Variants in FKBP5 observed in about 807,000 individuals in gnomAD.
FKBP5 encodes FKBP prolyl isomerase 5.
Under a neutral mutation model 50.5 loss-of-function variants are expected in FKBP5, and 23 were observed. The ratio of observed to expected loss-of-function variants is 0.46; its 90% CI spans 0.33 to 0.65. The LOEUF is 0.65. Ranked by LOEUF, FKBP5 falls within the 30% of genes least tolerant of loss-of-function variation. The probability of loss-of-function intolerance (pLI) is 0.02; values close to 1 mark genes in which losing one functional copy is unlikely to be tolerated. For missense variants in FKBP5, 411 were observed against 553.1 expected (o/e 0.74, Z 2.58); for synonymous variants, 176 against 190.6 (o/e 0.92, Z 0.63).
chr6:35,603,654 TAACAAC>T (rs1314836389), intron 5 of FKBP5, among the ~76,000 whole-genome samples: 1 of 132,660 alleles, frequency 7.5e-6, no homozygotes, highest in Non-Finnish European at 1.6e-5. Context: ...TTTTTTTTTG[TAACAAC>T]AACAACAGCA....
intron 3 of FKBP5, among the ~76,000 whole-genome samples, chr6:35,622,272 G>C (rs1321040402): frequency 2.0e-5 from 3 of 152,112 alleles, no homozygotes; most frequent in Non-Finnish European, 1.5e-5. Context: ...ATTTTGGAAG[G>C]CCAAAGCAGG....
chr6:35,680,906 T>C (rs1765646314), intron 1 of FKBP5, among the ~76,000 whole-genome samples: 1 of 152,250 alleles, frequency 6.6e-6, no homozygotes, highest in African/African-American at 2.4e-5. Flanking sequence ...CTAGGTGACA[T>C]GTGTAGGATA....
At chr6:35,720,017 C>G (rs1314040816) in intron 2 of FKBP5, among the ~76,000 whole-genome samples, 1 of 151,226 alleles carries the variant, frequency 6.6e-6, no homozygotes, top group Non-Finnish European at 1.5e-5. Context: ...AGGACAGAGT[C>G]ATGTTTTGCT....
rs1389902344 is a variant in FKBP5, at chr6:35,670,742, AAGAAAG to A, written c.-20+18056_-20+18061del. Among the ~76,000 whole-genome samples the A allele has an allele frequency of 2.0e-5, 3 of 151,374 alleles. 1 individual carries two copies. Among genetic ancestry groups the A allele is most frequent in the Non-Finnish European group, 2.9e-5 (2 of 67,888 alleles). On this transcript the variant is annotated intron_variant, in intron 1 of 10. Transcript: ENST00000357266. ...GCAAGACTCCATCTCAAAAAAAAAAAAGAAAGAAAAGAAAAGAAAAGAAAAACTCAT... is the reference window on the plus strand; with the variant it reads ...GCAAGACTCCATCTCAAAAAAAAAAAAAAAGAAAAGAAAAGAAAAACTCAT...
At chr6:35,723,247 T>TA (rs1216549648) in intron 1 of FKBP5, among the ~76,000 whole-genome samples, 3 of 151,460 alleles carry the variant, frequency 2.0e-5, no homozygotes, top group African/African-American at 7.3e-5. Flanking sequence ...AATAAATAAA[T>TA]AAAATAAAAT....
chr6:35,721,347 CA>C (rs11372409), intron 1 of FKBP5, among the ~76,000 whole-genome samples: 55 of 137,844 alleles, frequency 4.0e-4, no homozygotes, highest in Middle Eastern at 3.6e-3. Flanking sequence ...ACTCTGTCTC[CA>C]AAAAAAAAAA....
chr6:35,726,872 C>G (rs1267984676), intron 1 of FKBP5, among the ~76,000 whole-genome samples: 1 of 152,096 alleles, frequency 6.6e-6, no homozygotes, highest in Non-Finnish European at 1.5e-5. Context: ...GGAGAGGGCT[C>G]AAAGAAGAAG....
intron 2 of FKBP5, among the ~76,000 whole-genome samples, chr6:35,717,021 C>T (rs543825342): frequency 3.2e-4 from 48 of 152,304 alleles, no homozygotes; most frequent in African/African-American, 1.1e-3. Context: ...ACCTCAGCTC[C>T]TTGGAGACCT....
chr6:35,605,433 T>C lies in FKBP5; in HGVS notation c.509-8029A>G, dbSNP rs188026383. ...TTTTTTGAGACAAGGTCTTATTCCA[T>C]TGCCCAGGCTGGAGTGCAGTGGTGC... On this transcript the variant is annotated intron_variant, in intron 5 of 10. Transcript: ENST00000357266. Among the ~76,000 whole-genome samples the C allele has an allele frequency of 7.5e-3, 989 of 132,410 alleles. 11 individuals are homozygous for C. The highest frequency in any genetic ancestry group is 0.025 in the African/African-American group (854 of 34,756). 86.9% of individuals were successfully genotyped at this position (132,410 alleles called of 152,430 possible).
chr6:35,724,591 G>T (rs1341416813), intron 1 of FKBP5, among the ~76,000 whole-genome samples: 4 of 151,990 alleles, frequency 2.6e-5, no homozygotes. Context: ...TGAAGTGCTG[G>T]CTTTGGCCAG....
chr6:35,695,442 A>C (rs1331688087), intron 2 of FKBP5, among the ~76,000 whole-genome samples: 3 of 152,246 alleles, frequency 2.0e-5, no homozygotes, highest in Non-Finnish European at 4.4e-5. Context: ...CTGGGATTAC[A>C]GGCATAAGCC....
At chr6:35,617,524 A>T (rs1203547024) in intron 5 of FKBP5, among the ~76,000 whole-genome samples, 1 of 151,974 alleles carries the variant, frequency 6.6e-6, no homozygotes, top group African/African-American at 2.4e-5. Context: ...CAGACCTTTT[A>T]TAATAATAGT....
chr6:35,666,394 TAAAAAAAAA>T (rs550878351), intron 1 of FKBP5, among the ~76,000 whole-genome samples: 6 of 33,254 alleles, frequency 1.8e-4, no homozygotes, highest in East Asian at 2.4e-3. Flanking sequence ...CTATTATAGT[TAAAAAAAAA>T]AAAAAAAAAA....
chr6:35,577,414 T>G (rs536761415), intron 9 of FKBP5, among the ~76,000 whole-genome samples, 181 bp from the exon 10 acceptor site: 1 of 152,330 alleles, frequency 6.6e-6, no homozygotes, highest in South Asian at 2.1e-4. Flanking sequence ...TTAATGCAAT[T>G]TCTAGAAAGA....
intron 2 of FKBP5, among the ~76,000 whole-genome samples, chr6:35,705,379 G>T (rs1406586423): frequency 6.7e-6 from 1 of 148,186 alleles, no homozygotes; most frequent in Non-Finnish European, 1.5e-5. Flanking sequence ...CAATTCTCCT[G>T]CCTCAACCTC....
intron 5 of FKBP5, among the ~76,000 whole-genome samples, chr6:35,599,175 C>A (rs535981111): frequency 6.6e-6 from 1 of 152,082 alleles, no homozygotes; most frequent in Non-Finnish European, 1.5e-5. Flanking sequence ...TCATTCCATG[C>A]CCAATAAAAC....
chr6:35,685,797 C>T lies in FKBP5; in HGVS notation c.-20+3007G>A, dbSNP rs1344595906. ...AGGAGTTCGAGACCAGCCTGGCCAACATGGCAAAACCCCGTCTCTACTAAA... is the reference window on the plus strand; with the variant it reads ...AGGAGTTCGAGACCAGCCTGGCCAATATGGCAAAACCCCGTCTCTACTAAA... On this transcript the variant is annotated intron_variant, in intron 1 of 10. Transcript: ENST00000357266. Among the ~76,000 whole-genome samples the T allele has an allele frequency of 4.6e-5, 7 of 152,086 alleles. No individual in the cohort carries two copies. In the East Asian group the frequency reaches 1.4e-3, roughly 29 times the overall value.
intron 2 of FKBP5, among the ~76,000 whole-genome samples, chr6:35,706,424 C>CAAAAAAAAAAAAAAAAAGAAAAA (rs1766316243): frequency 9.6e-6 from 1 of 103,876 alleles, no homozygotes; most frequent in African/African-American, 3.5e-5. Flanking sequence ...AACTCTGTCT[C>CAAAAAAAAAAAAAAAAAGAAAAA]AAAAAAAAAA....
At chr6:35,610,493 G>A (rs1485668273) in intron 5 of FKBP5, among the ~76,000 whole-genome samples, 7 of 145,816 alleles carry the variant, frequency 4.8e-5, no homozygotes, top group South Asian at 2.1e-4. Flanking sequence ...GCGTGAACCC[G>A]AGAGGCGGAG....
Sources: gnomAD v4.1 joint callset for allele counts (sites outside exome capture counted in the v4.1 genomes callset) on GRCh38, gnomAD v4.1.1 for gene constraint, MANE v1.5 for transcripts, NCBI Gene and HGNC (gene_info 2026-07-23, HGNC 2026-07-21) for gene names.